GLMN: variants seen among roughly 807,000 people sequenced by gnomAD.
GLMN encodes the protein glomulin, FKBP associated protein.
In GLMN, 75 loss-of-function variants were observed where a neutral mutation model predicts 87.8. The observed-to-expected ratio is 0.85, with a 90% confidence interval of 0.71 to 1.04. The LOEUF (loss-of-function observed/expected upper bound fraction) is 1.04. GLMN is among the 50% of genes least tolerant of loss of function. GLMN has a pLI of 0.00. For synonymous variants in GLMN, 206 were observed against 221.6 expected (o/e 0.93, Z 0.63); for missense variants, 588 against 658.8 (o/e 0.89, Z 1.18).
intron 9 of GLMN, among the ~76,000 whole-genome samples, chr1:92,268,775 A>G (rs551062747): frequency 6.6e-6 from 1 of 152,314 alleles, no homozygotes; most frequent in Admixed American, 6.5e-5. Context: ...TTCATAGAGG[A>G]TAATTGCAAA....
chr1:92,250,123 TAA>T (rs1653267584), intron 16 of GLMN, among the ~76,000 whole-genome samples: 1 of 151,962 alleles, frequency 6.6e-6, no homozygotes, highest in Non-Finnish European at 1.5e-5. Flanking sequence ...CATTTGAACA[TAA>T]AGAGTATAGG....
At chr1:92,290,022 A>T (rs1649214808) in intron 5 of GLMN, among the ~76,000 whole-genome samples, 176 bp downstream of exon 5, 1 of 152,202 alleles carries the variant, frequency 6.6e-6, no homozygotes, top group Non-Finnish European at 1.5e-5. Flanking sequence ...CTGGCCAGAT[A>T]CTATAATCTT....
chr1:92,286,027 G>C (rs1018389504), intron 7 of GLMN, among the ~76,000 whole-genome samples: 1 of 151,768 alleles, frequency 6.6e-6, no homozygotes, highest in East Asian at 1.9e-4. Flanking sequence ...TAATTACTAG[G>C]TTACTTATCA....
Position 92,247,164 on chromosome 1 carries a change from A to G in GLMN, c.1586-20T>C. On this transcript the variant is annotated intron_variant, in intron 17 of 18. Coordinates refer to ENST00000370360, the MANE Select transcript of GLMN (RefSeq NM_053274.3). ...GGGCCTCTGTAAGAGAAGAAAAATC[A>G]TGTGTGACACTTAACTCTCAGATTT... 2 of 1,147,324 alleles carry G rather than the reference A, an allele frequency of 1.7e-6. No homozygotes were observed. Among genetic ancestry groups the G allele is most frequent in the Non-Finnish European group, 2.6e-6 (2 of 757,228 alleles). The allele number at this position is 1,147,324 out of a possible 1,614,324, so 71.1% of individuals were successfully genotyped here. A position where few individuals can be genotyped will look rare whatever the true frequency, so the allele number is the denominator to read the frequency against.
intron 16 of GLMN, among the ~76,000 whole-genome samples, chr1:92,262,134 G>A (rs1248410731): frequency 2.6e-5 from 4 of 151,844 alleles, no homozygotes; most frequent in African/African-American, 9.7e-5. Flanking sequence ...CCCAAATCAC[G>A]ATTTACCTAA....
chr1:92,328,501 G>A, the GLMN span, among the ~76,000 whole-genome samples: 1 of 152,088 alleles, frequency 6.6e-6, no homozygotes, highest in Non-Finnish European at 1.5e-5. Flanking sequence ...AGTTGTGATA[G>A]TTTTTTATTT....
chr1:92,326,575 G>A, the GLMN span, among the ~76,000 whole-genome samples: 2 of 152,140 alleles, frequency 1.3e-5, no homozygotes, highest in African/African-American at 4.8e-5. Flanking sequence ...GGGAAGGACC[G>A]TCATGGGGGC....
chr1:92,337,977 A>G, the GLMN span, among the ~76,000 whole-genome samples: 1 of 152,302 alleles, frequency 6.6e-6, no homozygotes, highest in East Asian at 1.9e-4. Context: ...TTCTTGAGAA[A>G]GTAATCTAGT....
At chr1:92,292,586 C>CT (rs1161512049) in intron 3 of GLMN, among the ~76,000 whole-genome samples, 35,087 of 125,284 alleles carry the variant, frequency 0.28, 5,251 homozygotes, top group East Asian at 0.58. Flanking sequence ...AATTTTTTGC[C>CT]TTTTTTTTTT....
At chr1:92,311,932 G>A in the GLMN span, among the ~76,000 whole-genome samples, 1 of 152,196 alleles carries the variant, frequency 6.6e-6, no homozygotes, top group Non-Finnish European at 1.5e-5. Context: ...GAAGGGTCCT[G>A]TTTTGATGTG....
chr1:92,250,799 C>T (rs966257055), intron 16 of GLMN, among the ~76,000 whole-genome samples: 1 of 151,960 alleles, frequency 6.6e-6, no homozygotes, highest in African/African-American at 2.4e-5. Context: ...GAGCCTAGTT[C>T]TTTTCTTTTT....
chr1:92,343,003 T>C, the GLMN span, among the ~76,000 whole-genome samples: 1 of 152,172 alleles, frequency 6.6e-6, no homozygotes, highest in Non-Finnish European at 1.5e-5. Flanking sequence ...CTAGAGCTAA[T>C]ACATTTGAGA....
chr1:92,319,650 C>G, the GLMN span, among the ~76,000 whole-genome samples: 1 of 152,148 alleles, frequency 6.6e-6, no homozygotes, highest in Non-Finnish European at 1.5e-5. Context: ...TATAAACAGT[C>G]TCTGCCTTTA....
chr1:92,289,718 G>A (rs138823979), intron 5 of GLMN, among the ~76,000 whole-genome samples: 145 of 152,220 alleles, frequency 9.5e-4, no homozygotes, highest in Admixed American at 3.5e-3. Context: ...CTCAGCCATG[G>A]AGCCTTATCA....
At chr1:92,296,398 G>A (rs911767946) in intron 3 of GLMN, among the ~76,000 whole-genome samples, 45 of 152,130 alleles carry the variant, frequency 3.0e-4, no homozygotes, top group African/African-American at 8.9e-4. Context: ...CAATCATGGC[G>A]GAAGGCACCT....
the GLMN span, among the ~76,000 whole-genome samples, chr1:92,348,437 C>A: frequency 6.6e-6 from 1 of 152,152 alleles, no homozygotes; most frequent in African/African-American, 2.4e-5. Context: ...CCTTTGAAAT[C>A]TTGTTTTCTG....
chr1:92,369,290 TTTTG>T, the GLMN span, among the ~76,000 whole-genome samples: 1 of 152,146 alleles, frequency 6.6e-6, no homozygotes, highest in African/African-American at 2.4e-5. Flanking sequence ...TGCTTGTTTG[TTTTG>T]TTTATGTTTT....
chr1:92,317,139 AGATTTACTACT>A, the GLMN span, among the ~76,000 whole-genome samples: 1 of 152,220 alleles, frequency 6.6e-6, no homozygotes, highest in Non-Finnish European at 1.5e-5. Context: ...TTCGAATCCT[AGATTTACTACT>A]TGTTAGCTAT....
At chr1:92,274,119 T>C (rs1331549914) in intron 7 of GLMN, among the ~76,000 whole-genome samples, 1 of 152,212 alleles carries the variant, frequency 6.6e-6, no homozygotes, top group Non-Finnish European at 1.5e-5. Flanking sequence ...CAAGCTGGTC[T>C]CACCTCTACT....
Sources: gnomAD v4.1 joint callset for allele counts (sites outside exome capture counted in the v4.1 genomes callset) on GRCh38, gnomAD v4.1.1 for gene constraint, MANE v1.5 for transcripts, NCBI Gene and HGNC (gene_info 2026-07-23, HGNC 2026-07-21) for gene names.